COL19A1: variants seen among roughly 807,000 people sequenced by gnomAD.
The protein encoded by COL19A1 is collagen alpha-1(XIX) chain.
Under a neutral mutation model 190.2 loss-of-function variants are expected in COL19A1, and 159 were observed. That is an observed-to-expected ratio of 0.84 (90% CI 0.73 to 0.95). The LOEUF (loss-of-function observed/expected upper bound fraction) is 0.95. Ranked by LOEUF, COL19A1 falls within the 40% of genes least tolerant of loss-of-function variation. The probability of loss-of-function intolerance (pLI) is 0.00; values close to 1 mark genes in which losing one functional copy is unlikely to be tolerated. For synonymous variants in COL19A1, 509 were observed against 458.9 expected, an observed-to-expected ratio of 1.11 and a Z score of -1.39; for missense variants, 1,418 against 1,431.9, an observed-to-expected ratio of 0.99 and a Z score of 0.16.
chr6:69,928,134 A>G, intron 5 of COL19A1, 102 bp downstream of exon 5: 1 of 1,465,206 alleles, frequency 6.8e-7, no homozygotes, highest in South Asian at 1.3e-5. Context: ...TCTAGTATCC[A>G]AATGTTCTAT....
intron 14 of COL19A1, among the ~76,000 whole-genome samples, chr6:70,057,448 G>A (rs1780566673): frequency 6.6e-6 from 1 of 152,084 alleles, no homozygotes; most frequent in African/African-American, 2.4e-5. Context: ...AAATATGAAT[G>A]TGCTTATGAT....
intron 4 of COL19A1, among the ~76,000 whole-genome samples, chr6:69,910,809 T>C (rs937373460): frequency 6.6e-6 from 1 of 152,172 alleles, no homozygotes; most frequent in Non-Finnish European, 1.5e-5. Context: ...TTTCAGAGTG[T>C]ACAAAAGAAA....
In COL19A1 at chr6:69,935,607, G is replaced by T. The variant is rs1773048305; in HGVS notation, c.748-1178G>T. On this transcript the variant is annotated intron_variant, in intron 7 of 50. Coordinates refer to ENST00000620364, the MANE Select transcript of COL19A1 (RefSeq NM_001858.6). ...AAATCTGGAGAGAGTAGATTTGAAA[G>T]AACTAGTGGTGGATACAGTAAACTA... 2.6e-5 allele frequency among the ~76,000 whole-genome samples: 4 copies of T among 152,042 alleles called. No homozygotes were observed. The South Asian group carries it at 8.3e-4, about 32-fold the overall frequency.
chr6:69,921,411 C>CATATATATCATATATATCATATATATCAT (rs377420368), intron 4 of COL19A1, among the ~76,000 whole-genome samples: 14 of 82,116 alleles, frequency 1.7e-4, no homozygotes, highest in Admixed American at 3.8e-4. Flanking sequence ...TCATATATAT[C>CATATATATCATATATATCATATATATCAT]ATATATCATA....
intron 9 of COL19A1, among the ~76,000 whole-genome samples, chr6:69,951,433 CCAGA>C (rs1029378720): frequency 6.6e-6 from 1 of 151,768 alleles, no homozygotes; most frequent in African/African-American, 2.4e-5. Flanking sequence ...TACTGTGGGA[CCAGA>C]TTAGAACTTA....
At chr6:70,105,073 G>A (rs113950652) in intron 16 of COL19A1, among the ~76,000 whole-genome samples, 1 of 152,020 alleles carries the variant, frequency 6.6e-6, no homozygotes, top group Non-Finnish European at 1.5e-5. Context: ...TCAGCTATGG[G>A]TCTGACACAC....
At chr6:70,050,673 C>G (rs1780154252) in intron 14 of COL19A1, among the ~76,000 whole-genome samples, 3 of 152,040 alleles carry the variant, frequency 2.0e-5, no homozygotes, top group Admixed American at 2.0e-4. Flanking sequence ...AGGAGATTCC[C>G]TCTTTCCAGC....
intron 14 of COL19A1, among the ~76,000 whole-genome samples, chr6:70,050,714 T>G (rs1345222753): frequency 6.6e-6 from 1 of 152,090 alleles, no homozygotes; most frequent in Non-Finnish European, 1.5e-5. Context: ...GGACAGGTGG[T>G]CACCTTCTCC....
intron 15 of COL19A1, among the ~76,000 whole-genome samples, chr6:70,083,599 T>TTTA (rs1491495811): frequency 6.6e-6 from 1 of 152,214 alleles, no homozygotes; most frequent in African/African-American, 2.4e-5. Flanking sequence ...CAACAAAAAC[T>TTTA]TTATCACCAG....
intron 9 of COL19A1, among the ~76,000 whole-genome samples, chr6:69,951,110 A>G (rs1347763236): frequency 3.9e-5 from 6 of 151,988 alleles, no homozygotes; most frequent in South Asian, 2.1e-4. Context: ...TTTGCTCCCC[A>G]TGGAGTAAGT....
intron 15 of COL19A1, among the ~76,000 whole-genome samples, chr6:70,081,570 T>C (rs993481092): frequency 3.3e-5 from 5 of 152,148 alleles, no homozygotes; most frequent in South Asian, 2.1e-4. Context: ...GCTCCCTTCA[T>C]TGAGAAATTC....
chr6:69,904,879 A>G (rs1028275238), intron 4 of COL19A1, among the ~76,000 whole-genome samples: 3 of 151,718 alleles, frequency 2.0e-5, no homozygotes, highest in African/African-American at 7.3e-5. Context: ...GATGTCCCTT[A>G]CCTGTGGCAC....
intron 15 of COL19A1, among the ~76,000 whole-genome samples, chr6:70,083,739 A>C (rs1031256877): frequency 3.3e-5 from 5 of 152,204 alleles, no homozygotes; most frequent in African/African-American, 9.6e-5. Flanking sequence ...TATACAATGA[A>C]TTCTCAGCTA....
In COL19A1 at chr6:69,900,306, A is replaced by T; in HGVS notation, c.234A>T (p.Lys78Asn). The change falls in exon 4 of 51, where the codon AAA becomes AAT. Residue 78 changes from lysine (K) to asparagine (N), a missense_variant. Lys to Asn is a moderately conservative substitution (Grantham distance 94, BLOSUM62 0). Coordinates refer to ENST00000620364, the MANE Select transcript of COL19A1 (RefSeq NM_001858.6). ...AFCESDKTCF[K>N]LGSALLIRDT... ...GTGAAAGTGATAAAACCTGTTTCAA[A>T]TTGGGAAGTGCACTTCTTATTAGAG... 6.3e-7 allele frequency: 1 copy of T among 1,592,402 alleles called. No homozygotes were observed. The highest frequency in any genetic ancestry group is 1.2e-5 in the South Asian group (1 of 86,642).
rs545956254 is a variant in COL19A1, at chr6:70,000,054, G to T, written c.1027-23573G>T. Among the ~76,000 whole-genome samples the T allele has an allele frequency of 3.3e-5, 5 of 151,978 alleles. No individual in the cohort carries two copies. In the East Asian group the frequency reaches 7.8e-4, roughly 24 times the overall value. The stretch of plus-strand genomic sequence containing the variant: ...ACAGCCCCTGGCCCTGGTGTGTGTT[G>T]TTCCCCTCCCTGTGTCCATTGTTCT... On this transcript the variant is annotated intron_variant, in intron 11 of 50. Transcript: ENST00000620364.
intron 4 of COL19A1, among the ~76,000 whole-genome samples, chr6:69,902,471 C>T (rs986907958): frequency 8.5e-5 from 13 of 152,128 alleles, no homozygotes; most frequent in Admixed American, 5.2e-4. Flanking sequence ...TCCCAAAGAC[C>T]GCTTTTGCAG....
At chr6:70,039,421 G>A (rs1779519878) in intron 14 of COL19A1, among the ~76,000 whole-genome samples, 1 of 152,156 alleles carries the variant, frequency 6.6e-6, no homozygotes, top group African/African-American at 2.4e-5. Flanking sequence ...TTTGCTTCCT[G>A]ATTACTTCAT....
Position 69,888,655 on chromosome 6 carries a change from T to C in COL19A1, c.91+8997T>C, listed in dbSNP as rs577352896. Among the ~76,000 whole-genome samples the C allele has an allele frequency of 7.2e-5, 11 of 152,074 alleles. No individual in the cohort carries two copies. The South Asian group carries it at 2.1e-3, about 29-fold the overall frequency. On this transcript the variant is annotated intron_variant, in intron 2 of 50. Transcript: ENST00000620364. The stretch of plus-strand genomic sequence containing the variant: ...AAATTACAAAAAAATTAGCCGGGCG[T>C]GGTGGCTTGTGCCTGTAATCCCAGC...
intron 1 of COL19A1, among the ~76,000 whole-genome samples, chr6:69,879,157 C>T (rs1281003967): frequency 6.6e-6 from 1 of 152,008 alleles, no homozygotes; most frequent in Non-Finnish European, 1.5e-5. Flanking sequence ...TATTTAATTC[C>T]ACTGAACTTT....
Sources: gnomAD v4.1 joint callset for allele counts (sites outside exome capture counted in the v4.1 genomes callset) on GRCh38, gnomAD v4.1.1 for gene constraint, MANE v1.5 for transcripts, NCBI Gene and HGNC (gene_info 2026-07-23, HGNC 2026-07-21) for gene names.